Variants in RCC1 observed in about 807,000 individuals in gnomAD.
RCC1 encodes the protein regulator of chromosome condensation.
RCC1 carries 11 observed loss-of-function variants against 44.4 expected under a neutral mutation model. That is an observed-to-expected ratio of 0.25 (90% CI 0.16 to 0.41). RCC1 has a LOEUF of 0.41. Among genes scored for constraint, RCC1 ranks in the 10% least tolerant of loss-of-function variants. The pLI is 1.00. For synonymous variants in RCC1, 213 were observed against 216.5 expected (o/e 0.98, Z 0.14); for missense variants, 386 against 547.1 (o/e 0.71, Z 2.94).
At chr1:28,520,307 AG>A (rs1293055199) in intron 4 of RCC1, among the ~76,000 whole-genome samples, 7 of 152,090 alleles carry the variant, frequency 4.6e-5, no homozygotes, top group Non-Finnish European at 5.9e-5. Flanking sequence ...GTGGCCTGGG[AG>A]GGCTCTGTCT....
At chr1:28,507,776 T>C (rs1418871166) in intron 1 of RCC1, 1 of 342,286 alleles carries the variant, frequency 2.9e-6, no homozygotes, top group African/African-American at 2.2e-5. Flanking sequence ...CAGGCTAATT[T>C]TTGTATTTTT....
chr1:28,522,343 A>G (rs1350599486), intron 4 of RCC1, among the ~76,000 whole-genome samples: 1 of 152,122 alleles, frequency 6.6e-6, no homozygotes, highest in Non-Finnish European at 1.5e-5. Flanking sequence ...TTGTGTGGGA[A>G]GAGAAGGGAG....
chr1:28,535,603 T>C, intron 9 of RCC1: 1 of 794,006 alleles, frequency 1.3e-6, no homozygotes, highest in South Asian at 1.5e-5. Context: ...TAAACCTACT[T>C]CATTAGGTTG....
At chr1:28,507,239 T>C (rs890060104) in intron 1 of RCC1, 4 of 435,326 alleles carry the variant, frequency 9.2e-6, no homozygotes, top group African/African-American at 8.2e-5. Context: ...GAAACCGATT[T>C]TTTTTTAACA....
At chr1:28,534,403 G>A (rs531107920) in intron 7 of RCC1, among the ~76,000 whole-genome samples, 6 of 152,006 alleles carry the variant, frequency 3.9e-5, no homozygotes, top group African/African-American at 9.6e-5. Context: ...GAATGGTCTC[G>A]ATCTCCTGAC....
At chr1:28,531,753 C>T (rs1308141270) in intron 5 of RCC1, 50 bp from the exon 6 acceptor site, 4 of 1,444,574 alleles carry the variant, frequency 2.8e-6, no homozygotes, top group Non-Finnish European at 3.7e-6. Context: ...GTGACCTCTC[C>T]TCGCTGTCGT....
At chr1:28,510,993 G>C (rs894472020) in intron 3 of RCC1, 31 of 152,336 alleles carry the variant, frequency 2.0e-4, no homozygotes, top group African/African-American at 7.2e-4. Context: ...TTGCAAGGTA[G>C]AGGTGAAGCA....
At position 28,535,159 on chromosome 1, in the gene RCC1, G is replaced by A. The variant is rs1450731113; in HGVS notation, c.538+13G>A. The A allele has an allele frequency of 1.2e-5, 19 of 1,613,952 alleles. No homozygotes were observed. In the East Asian group the frequency reaches 2.2e-4, roughly 19 times the overall value. On this transcript the variant is annotated intron_variant, in intron 8 of 12. Transcript: ENST00000683442. Reference sequence around the variant, plus strand: ...AAGGTGGCCTCAGGTGGGTCTGGGGGCACTTGCTCAGGGCAGGAGTTGGAG... The same window carrying A: ...AAGGTGGCCTCAGGTGGGTCTGGGGACACTTGCTCAGGGCAGGAGTTGGAG...
At chr1:28,523,942 G>A (rs552373547) in intron 4 of RCC1, among the ~76,000 whole-genome samples, 5 of 152,228 alleles carry the variant, frequency 3.3e-5, no homozygotes, top group African/African-American at 7.2e-5. Flanking sequence ...TCAGCCTCCC[G>A]AGTAGCTGGG....
intron 3 of RCC1, chr1:28,509,156 A>G (rs1027415851): frequency 3.2e-6 from 1 of 316,776 alleles, no homozygotes; most frequent in Non-Finnish European, 6.2e-6. Context: ...CTGTTTTTGT[A>G]CTAAAGGCTT....
At chr1:28,530,621 TCC>T in intron 5 of RCC1, 3 of 1,598,636 alleles carry the variant, frequency 1.9e-6, no homozygotes, top group Non-Finnish European at 2.5e-6. Context: ...ACCAGGTGGC[TCC>T]GCGCCCGGGG....
At chr1:28,535,184 GGAC>G (rs1338044384) in intron 8 of RCC1, 38 bp downstream of exon 8, 6 of 1,614,078 alleles carry the variant, frequency 3.7e-6, no homozygotes, top group Non-Finnish European at 5.1e-6. Context: ...AGGAGTTGGA[GGAC>G]CTTGTTCTGG....
chr1:28,510,840 T>C (rs1229436501), intron 3 of RCC1: 1 of 152,294 alleles, frequency 6.6e-6, no homozygotes, highest in Non-Finnish European at 1.5e-5. Context: ...GTCCCATCCG[T>C]GTCCTGCTGT....
chr1:28,526,159 C>G (rs1339534224), intron 4 of RCC1, among the ~76,000 whole-genome samples: 1 of 152,094 alleles, frequency 6.6e-6, no homozygotes, highest in African/African-American at 2.4e-5. Context: ...GTGATGCGCA[C>G]TTGTAGTCCC....
intron 4 of RCC1, chr1:28,527,151 G>T: frequency 7.9e-7 from 1 of 1,269,704 alleles, no homozygotes; most frequent in Non-Finnish European, 1.1e-6. Flanking sequence ...GGCTGCAGTG[G>T]CAGAAATGCC....
chr1:28,537,373 AG>A (rs1156248375), intron 12 of RCC1, among the ~76,000 whole-genome samples: 1 of 152,062 alleles, frequency 6.6e-6, no homozygotes, highest in African/African-American at 2.4e-5. Context: ...TGAGTGGGTG[AG>A]GGGGATAGCC....
At chr1:28,513,064 C>G (rs541664307) in intron 3 of RCC1, among the ~76,000 whole-genome samples, 1 of 151,406 alleles carries the variant, frequency 6.6e-6, no homozygotes, top group East Asian at 1.9e-4. Flanking sequence ...TGAGCCACCG[C>G]GCCCAGCCTC....
At chr1:28,534,212 G>A (rs1484283164) in intron 7 of RCC1, among the ~76,000 whole-genome samples, 3 of 151,570 alleles carry the variant, frequency 2.0e-5, no homozygotes, top group South Asian at 2.1e-4. Flanking sequence ...ACGGAGTCTC[G>A]CTTTGTCGCC....
intron 3 of RCC1, among the ~76,000 whole-genome samples, chr1:28,514,935 TCTTA>T (rs1461365520): frequency 2.0e-5 from 3 of 152,148 alleles, no homozygotes; most frequent in Non-Finnish European, 4.4e-5. Context: ...TTGTCATGTG[TCTTA>T]CTTTTATATA....
Sources: gnomAD v4.1 joint callset for allele counts (sites outside exome capture counted in the v4.1 genomes callset) on GRCh38, gnomAD v4.1.1 for gene constraint, MANE v1.5 for transcripts, NCBI Gene and HGNC (gene_info 2026-07-23, HGNC 2026-07-21) for gene names.